Variants in PRKG1 observed in about 807,000 individuals in gnomAD.
PRKG1 encodes protein kinase cGMP-dependent 1.
A neutral mutation model predicts 88.1 loss-of-function variants in PRKG1; 35 were observed. The ratio of observed to expected loss-of-function variants is 0.40; its 90% CI spans 0.30 to 0.53. The LOEUF is 0.53. PRKG1 is among the 20% of genes least tolerant of loss of function. The pLI is 0.59. For synonymous variants in PRKG1, 303 were observed against 292.5 expected (o/e 1.04, Z -0.37); for missense variants, 540 against 839.8 (o/e 0.64, Z 4.41).
intron 3 of PRKG1, among the ~76,000 whole-genome samples, chr10:51,576,430 C>A (rs10998277): frequency 0.069 from 10,504 of 151,976 alleles, 1,194 homozygotes; most frequent in African/African-American, 0.24. Context: ...ATATTATATT[C>A]TATATCTCAA....
At chr10:51,985,199 C>T (rs80042449) in intron 5 of PRKG1, among the ~76,000 whole-genome samples, 12,822 of 152,106 alleles carry the variant, frequency 0.084, 770 homozygotes, top group Non-Finnish European at 0.13. Context: ...AGTCAAAACT[C>T]TTATTAGAAA....
chr10:51,008,312 G>A (rs564707765), intron 1 of PRKG1, among the ~76,000 whole-genome samples: 165 of 152,282 alleles, frequency 1.1e-3, no homozygotes, highest in Non-Finnish European at 2.0e-3. Context: ...TGCAAGAAGG[G>A]TGACTATATG....
chr10:51,876,309 G>C (rs1294892373), intron 4 of PRKG1, among the ~76,000 whole-genome samples: 2 of 152,170 alleles, frequency 1.3e-5, no homozygotes, highest in Non-Finnish European at 2.9e-5. Flanking sequence ...AGTGGAAAGG[G>C]GGAAGTAGAG....
At chr10:51,411,261 A>G (rs1438997864) in intron 2 of PRKG1, among the ~76,000 whole-genome samples, 1 of 152,136 alleles carries the variant, frequency 6.6e-6, no homozygotes, top group Non-Finnish European at 1.5e-5. Context: ...TCGGCCTCCC[A>G]AAGTGCTGGG....
chr10:51,990,373 A>G (rs143182748), intron 5 of PRKG1, among the ~76,000 whole-genome samples: 1 of 152,170 alleles, frequency 6.6e-6, no homozygotes, highest in African/African-American at 2.4e-5. Flanking sequence ...GAAGAATGCC[A>G]TTGATATTGT....
chr10:51,816,222 T>C (rs1839580922), intron 4 of PRKG1, among the ~76,000 whole-genome samples: 1 of 152,190 alleles, frequency 6.6e-6, no homozygotes. Flanking sequence ...AAGAAAAGAC[T>C]AAGTCCTTGG....
chr10:51,537,286 A>C (rs1267367471), intron 3 of PRKG1, among the ~76,000 whole-genome samples: 3 of 152,192 alleles, frequency 2.0e-5, no homozygotes, highest in Non-Finnish European at 4.4e-5. Context: ...GTGAATAATA[A>C]ATTTTTAGTA....
At chr10:51,394,153 C>G (rs1837515715) in intron 2 of PRKG1, among the ~76,000 whole-genome samples, 1 of 152,222 alleles carries the variant, frequency 6.6e-6, no homozygotes, top group South Asian at 2.1e-4. Flanking sequence ...AAAACAATCA[C>G]TTTATTATCT....
At chr10:51,570,974 T>C (rs1837738048) in intron 3 of PRKG1, among the ~76,000 whole-genome samples, 1 of 151,948 alleles carries the variant, frequency 6.6e-6, no homozygotes, top group African/African-American at 2.4e-5. Context: ...GGTGTATAAA[T>C]ATATTTATAA....
intron 5 of PRKG1, among the ~76,000 whole-genome samples, chr10:52,049,575 A>G (rs919806457): frequency 2.0e-5 from 3 of 152,126 alleles, no homozygotes; most frequent in Admixed American, 6.6e-5. Context: ...AGTGAGAAAA[A>G]TAGAGGGGAT....
intron 2 of PRKG1, among the ~76,000 whole-genome samples, chr10:51,211,640 A>G (rs1423140532): frequency 3.9e-5 from 6 of 152,286 alleles, no homozygotes; most frequent in East Asian, 1.9e-4. Flanking sequence ...AAATCAATGT[A>G]CAAAAATCAC....
At chr10:51,634,793 A>T (rs184372038) in intron 3 of PRKG1, among the ~76,000 whole-genome samples, 52 of 152,276 alleles carry the variant, frequency 3.4e-4, no homozygotes, top group Non-Finnish European at 5.7e-4. Context: ...AGCAACATGG[A>T]TGAAGATGGA....
intron 1 of PRKG1, among the ~76,000 whole-genome samples, chr10:51,052,822 G>T (rs1362231633): frequency 6.6e-6 from 1 of 152,140 alleles, no homozygotes; most frequent in Non-Finnish European, 1.5e-5. Context: ...GCCTGTCATG[G>T]GTTAGATAAA....
At chr10:52,002,909 G>A (rs2447643) in intron 5 of PRKG1, among the ~76,000 whole-genome samples, 93,272 of 151,926 alleles carry the variant, frequency 0.61, 29,587 homozygotes, top group African/African-American at 0.77. Flanking sequence ...AAGTGTGAGA[G>A]TAAACATAAT....
chr10:51,144,907 G>A (rs1564616810), intron 1 of PRKG1, among the ~76,000 whole-genome samples: 1 of 152,156 alleles, frequency 6.6e-6, no homozygotes, highest in Non-Finnish European at 1.5e-5. Flanking sequence ...ATAAGGGGGT[G>A]ATAGAGAATC....
chr10:52,192,848 A>G (rs980940295), intron 9 of PRKG1, among the ~76,000 whole-genome samples: 1 of 152,202 alleles, frequency 6.6e-6, no homozygotes, highest in African/African-American at 2.4e-5. Context: ...GTGAGTTTTA[A>G]AAAACATAGT....
intron 2 of PRKG1, among the ~76,000 whole-genome samples, chr10:51,297,332 T>C (rs189768087): frequency 2.6e-5 from 4 of 152,220 alleles, no homozygotes; most frequent in Non-Finnish European, 4.4e-5. Context: ...ATTTGAACAG[T>C]AGAGTCATAG....
chr10:51,166,282 C>T (rs1424762602), intron 2 of PRKG1, among the ~76,000 whole-genome samples: 1 of 151,346 alleles, frequency 6.6e-6, no homozygotes, highest in Non-Finnish European at 1.5e-5. Context: ...ATTGACTCAT[C>T]CTTTTGGAAA....
intron 9 of PRKG1, among the ~76,000 whole-genome samples, chr10:52,229,998 A>G (rs962820750): frequency 1.3e-5 from 2 of 152,184 alleles, no homozygotes; most frequent in African/African-American, 4.8e-5. Flanking sequence ...TGTATACAAT[A>G]TGGTTCAGAA....
Sources: gnomAD v4.1 joint callset for allele counts (sites outside exome capture counted in the v4.1 genomes callset) on GRCh38, gnomAD v4.1.1 for gene constraint, MANE v1.5 for transcripts, NCBI Gene and HGNC (gene_info 2026-07-23, HGNC 2026-07-21) for gene names.